COL1A2: variants seen among roughly 807,000 people sequenced by gnomAD.
COL1A2 encodes the protein collagen alpha-2(I) chain.
A neutral mutation model predicts 174.3 loss-of-function variants in COL1A2; 49 were observed. The ratio of observed to expected loss-of-function variants is 0.28; its 90% CI spans 0.22 to 0.36. The LOEUF (loss-of-function observed/expected upper bound fraction) is 0.36, where lower values mean the gene tolerates loss of function less well. COL1A2 is among the 10% of genes least tolerant of loss of function. The probability of loss-of-function intolerance (pLI) is 1.00; values close to 1 mark genes in which losing one functional copy is unlikely to be tolerated. For synonymous variants in COL1A2, 655 were observed against 606.6 expected, an observed-to-expected ratio of 1.08 and a Z score of -1.17; for missense variants, 1,438 against 1,822.7, an observed-to-expected ratio of 0.79 and a Z score of 3.84.
chr7:94,423,236 C>G, intron 40 of COL1A2, 118 bp downstream of exon 40: 5 of 1,225,158 alleles, frequency 4.1e-6, no homozygotes, highest in Non-Finnish European at 5.9e-6. Context: ...TCAAGTAGAG[C>G]TCAGTTGAGC....
intron 50 of COL1A2, among the ~76,000 whole-genome samples, chr7:94,428,816 C>A (rs73428222): frequency 0.011 from 1,707 of 152,302 alleles, 31 homozygotes; most frequent in African/African-American, 0.039. Context: ...TTTAATCAAA[C>A]CTTTTCACCA....
At position 94,430,319 on chromosome 7, in the gene COL1A2, G is replaced by C. The variant is rs1469807713; in HGVS notation, c.4027G>C (p.Asp1343His). 1.2e-6 allele frequency: 2 copies of C among 1,614,042 alleles called. No individual in the cohort carries two copies. The highest frequency in any genetic ancestry group is 1.7e-6 in the Non-Finnish European group (2 of 1,179,954). Residue 1343 changes from aspartate (D) to histidine (H), a missense_variant, in exon 52 of 52, where the codon GAT becomes CAT. Asp to His is a moderately conservative substitution (Grantham distance 81). Around this residue, in one of 3 missense-constraint regions of COL1A2, gnomAD observed 290 missense variants for 298.1 expected, o/e 0.97. Transcript: ENST00000297268. ...TNKPSRLPFL[D>H]IAPLDIGGAD... ...TAAGCCATCACGCCTGCCCTTCCTT[G>C]ATATTGCACCTTTGGACATCGGTGG... is the stretch of plus-strand genomic sequence containing the variant.
In COL1A2 at chr7:94,430,596, C is replaced by A; in HGVS notation, c.*203C>A. Reference sequence around the variant, plus strand: ...TCATTAACTCCTTCCCCCGCTCCCCCAAAAATTTGAATTTTTTTTTCAACA... The same window carrying A: ...TCATTAACTCCTTCCCCCGCTCCCCAAAAAATTTGAATTTTTTTTTCAACA... On this transcript the variant is annotated 3_prime_UTR_variant, in exon 52 of 52. Transcript: ENST00000297268. 3.4e-6 allele frequency: 2 copies of A among 584,702 alleles called. No homozygotes were observed. The allele number at this position is 584,702 out of a possible 1,614,324, so 36.2% of individuals were successfully genotyped here.
At chr7:94,410,734 C>T (rs377198220) in intron 21 of COL1A2, among the ~76,000 whole-genome samples, 155 bp from the exon 22 acceptor site, 1 of 152,206 alleles carries the variant, frequency 6.6e-6, no homozygotes, top group African/African-American at 2.4e-5. Context: ...GCAGGATGCT[C>T]ATCTATGAAT....
chr7:94,421,032 T>A lies in COL1A2; in HGVS notation c.2319T>A (p.Pro773=), dbSNP rs1024394540. 1.2e-6 allele frequency: 2 copies of A among 1,614,226 alleles called. No homozygotes were observed. The highest frequency in any genetic ancestry group is 1.7e-6 in the Non-Finnish European group (2 of 1,180,038). The part of the protein sequence containing the change: ...GPAGPNGPPG[P]AGSRGDGGPP... Reference sequence around the variant, plus strand: ...AGGGTCCAAATGGTCCCCCCGGTCCTGCTGGAAGTCGTGGTGATGGAGGCC... The same window carrying A: ...AGGGTCCAAATGGTCCCCCCGGTCCAGCTGGAAGTCGTGGTGATGGAGGCC... The change falls in exon 38 of 52, where the codon CCT becomes CCA. Residue 773 remains proline, a synonymous_variant. Transcript: ENST00000297268.
chr7:94,426,172 C>T, intron 45 of COL1A2, 121 bp downstream of exon 45: 1 of 997,264 alleles, frequency 1.0e-6, no homozygotes, highest in Non-Finnish European at 1.6e-6. Flanking sequence ...AATTTCAGTC[C>T]ATGCTGAGAA....
rs906800567 is a variant in COL1A2, at chr7:94,416,444, C to T, written c.1804C>T (p.Pro602Ser). ...GPPGESGAAG[P>S]TGPIGSRGPS... ...CCCAGGTGAGAGTGGTGCTGCCGGT[C>T]CTACTGGTCCTATTGGAAGCCGAGG... The change falls in exon 31 of 52, where the codon CCT (proline) becomes TCT (serine). Residue 602 changes from proline (P) to serine (S), a missense_variant. Coordinates refer to ENST00000297268, the MANE Select transcript of COL1A2 (RefSeq NM_000089.4). The T allele has an allele frequency of 3.8e-6, 6 of 1,586,910 alleles. No homozygotes were observed. In the African/African-American group the frequency reaches 6.7e-5, roughly 18 times the overall value.
At position 94,395,050 on chromosome 7, in the gene COL1A2, A is replaced by G. The variant is rs1323281545; in HGVS notation, c.19A>G (p.Thr7Ala). The change falls in exon 1 of 52, where the codon ACG becomes GCG. Residue 7 changes from threonine (T) to alanine (A), a missense_variant. By Grantham distance (58) the Thr-to-Ala change is moderately conservative. Coordinates refer to ENST00000297268, the MANE Select transcript of COL1A2 (RefSeq NM_000089.4). ...GCTAGACATGCTCAGCTTTGTGGAT[A>G]CGCGGACTTTGTTGCTGCTTGCAGT... The part of the protein sequence containing the change: MLSFVD[T>A]RTLLLLAVTL... 6.2e-7 allele frequency: 1 copy of G among 1,614,022 alleles called. No homozygotes were observed. The highest frequency in any genetic ancestry group is 2.2e-5 in the East Asian group (1 of 44,860).
chr7:94,420,928 G>A lies in COL1A2; in HGVS notation c.2296-81G>A, dbSNP rs1012761360. 4.3e-5 allele frequency: 57 copies of A among 1,337,408 alleles called. No homozygotes were observed. In the East Asian group the frequency reaches 6.4e-4, roughly 15 times the overall value. 82.8% of individuals were successfully genotyped at this position (1,337,408 alleles called of 1,614,324 possible). A position where few individuals can be genotyped will look rare whatever the true frequency, so the allele number is the denominator to read the frequency against. On this transcript the variant is annotated intron_variant, in intron 37 of 51. Coordinates refer to ENST00000297268, the MANE Select transcript of COL1A2 (RefSeq NM_000089.4). ...TTCTATATTTTCTTCTAAGAGATGC[G>A]GGAATGATCCACTTGAAGAAAAGAG...
At chr7:94,398,640 A>G (rs1791627898) in intron 3 of COL1A2, among the ~76,000 whole-genome samples, 2 of 152,064 alleles carry the variant, frequency 1.3e-5, no homozygotes, top group South Asian at 4.1e-4. Context: ...CAAAAGGAAA[A>G]AAAAAGACTT....
chr7:94,405,409 T>C (rs964804241), intron 10 of COL1A2, among the ~76,000 whole-genome samples, 157 bp downstream of exon 10: 4 of 152,064 alleles, frequency 2.6e-5, no homozygotes, highest in Non-Finnish European at 5.9e-5. Context: ...TAAAAAAAAA[T>C]GCATATACAT....
At chr7:94,405,323 A>G (rs1791773495) in intron 10 of COL1A2, 71 bp downstream of exon 10, 19 of 1,405,866 alleles carry the variant, frequency 1.4e-5, no homozygotes, top group Non-Finnish European at 1.9e-5. Context: ...AACTAGCATC[A>G]ATCTAAATGA....
rs1441169294 is a variant in COL1A2, at chr7:94,430,992, G to C, written c.*599G>C. On this transcript the variant is annotated 3_prime_UTR_variant, in exon 52 of 52. Coordinates refer to ENST00000297268, the MANE Select transcript of COL1A2 (RefSeq NM_000089.4). ...TGTATTTTTTAAAAAATTTGATTTA[G>C]CATTCATATTTTCCATCTTATTCCC... The C allele has an allele frequency of 1.3e-5, 2 of 152,550 alleles. No individual in the cohort carries two copies. The highest frequency in any genetic ancestry group is 2.9e-5 in the Non-Finnish European group (2 of 68,082). The allele number at this position is 152,550 out of a possible 1,614,324, so 9.4% of individuals were successfully genotyped here. A position where few individuals can be genotyped will look rare whatever the true frequency, so the allele number is the denominator to read the frequency against.
In COL1A2 at chr7:94,404,684, T is replaced by C. The variant is rs769542796; in HGVS notation, c.325-9T>C. The C allele has an allele frequency of 1.2e-5, 20 of 1,614,180 alleles. No individual in the cohort carries two copies. Among genetic ancestry groups the C allele is most frequent in the Middle Eastern group, 1.6e-4 (1 of 6,062 alleles). On this transcript the variant is annotated splice_polypyrimidine_tract_variant and intron_variant, in intron 7 of 51. Transcript: ENST00000297268. ...AGGCTTGGAGTATGACATTCTTTTT[T>C]TCTTTTAGGGCCCTCAAGGTTTCCA... is the stretch of plus-strand genomic sequence containing the variant.
Position 94,423,110 on chromosome 7 carries a change from G to A in COL1A2, c.2557G>A (p.Gly853Ser). Reference protein sequence around the residue: ...AGEKGPSGEAGTAGPPGTPGP... With the variant: ...AGEKGPSGEASTAGPPGTPGP... ...TGAGAAGGGTCCCTCTGGAGAGGCT[G>A]GTACTGCTGTAAGTGATTTCCAACT... Residue 853 changes from glycine (G) to serine (S), a missense_variant, in exon 40 of 52, where the codon GGT (glycine) becomes AGT (serine). Transcript: ENST00000297268. 6.2e-7 allele frequency: 1 copy of A among 1,614,096 alleles called. No homozygotes were observed. The highest frequency in any genetic ancestry group is 1.1e-5 in the South Asian group (1 of 91,068).
In COL1A2 at chr7:94,415,220, G is replaced by A. The variant is rs374292814; in HGVS notation, c.1720-6G>A. On this transcript the variant is annotated splice_polypyrimidine_tract_variant and splice_region_variant and intron_variant, in intron 29 of 51. Transcript: ENST00000297268. ...ATTTCATGCTTTATTCTCATGTTTT[G>A]TCTAGGGTCTCCATGGTGAGTTTGG... 3.1e-6 allele frequency: 5 copies of A among 1,612,838 alleles called. No individual in the cohort carries two copies. Among genetic ancestry groups the A allele is most frequent in the Middle Eastern group, 1.6e-4 (1 of 6,080 alleles).
chr7:94,427,910 C>A (rs748746040), intron 49 of COL1A2, 25 bp downstream of exon 49: 7 of 1,612,570 alleles, frequency 4.3e-6, no homozygotes, highest in Non-Finnish European at 5.9e-6. Context: ...CCAGACCAGA[C>A]TGACCCTTCT....
Position 94,426,806 on chromosome 7 carries a change from A to T in COL1A2, c.3106-202A>T, listed in dbSNP as rs546549892. On this transcript the variant is annotated intron_variant, in intron 46 of 51. Transcript: ENST00000297268. Reference sequence around the variant, plus strand: ...ATAAACATAATTAGAGGAATGACTAATATTGCACTGCTGAAATAGGTTGTG... The same window carrying T: ...ATAAACATAATTAGAGGAATGACTATTATTGCACTGCTGAAATAGGTTGTG... 35 of 634,082 alleles carry T rather than the reference A, an allele frequency of 5.5e-5. No individual in the cohort carries two copies. The South Asian group carries it at 6.3e-4, about 11-fold the overall frequency. 39.3% of individuals were successfully genotyped at this position (634,082 alleles called of 1,614,324 possible). A position where few individuals can be genotyped will look rare whatever the true frequency, so the allele number is the denominator to read the frequency against.
rs1341184188 is a variant in COL1A2, at chr7:94,416,437, T to C, written c.1797T>C (p.Ala599=). The C allele has an allele frequency of 1.9e-6, 3 of 1,586,366 alleles. No individual in the cohort carries two copies. The highest frequency in any genetic ancestry group is 2.6e-6 in the Non-Finnish European group (3 of 1,165,584). The part of the protein sequence containing the change: ...GERGPPGESG[A]AGPTGPIGSR... Reference sequence around the variant, plus strand: ...GCGGTCCCCCAGGTGAGAGTGGTGCTGCCGGTCCTACTGGTCCTATTGGAA... The same window carrying C: ...GCGGTCCCCCAGGTGAGAGTGGTGCCGCCGGTCCTACTGGTCCTATTGGAA... The change falls in exon 31 of 52, where the codon GCT becomes GCC. Residue 599 remains alanine, a synonymous_variant. Coordinates refer to ENST00000297268, the MANE Select transcript of COL1A2 (RefSeq NM_000089.4).
Sources: gnomAD v4.1 joint callset for allele counts (sites outside exome capture counted in the v4.1 genomes callset) on GRCh38, gnomAD v4.1.1 for gene constraint, gnomAD v4.1.1 regional missense constraint, MANE v1.5 for transcripts, NCBI Gene and HGNC (gene_info 2026-07-23, HGNC 2026-07-21) for gene names.